The following MAP4 variants were observed in gnomAD, a reference collection of about 807,000 sequenced individuals.
MAP4 encodes the protein microtubule associated protein 4, also known as microtubule-associated protein 4.
MAP4 carries 76 observed loss-of-function variants against 170.2 expected under a neutral mutation model. That is an observed-to-expected ratio of 0.45 (90% CI 0.37 to 0.54). The LOEUF is 0.54. Among genes scored for constraint, MAP4 ranks in the 20% least tolerant of loss-of-function variants. The pLI is 0.00. For synonymous variants in MAP4, 909 were observed against 994.5 expected, an observed-to-expected ratio of 0.91 and a Z score of 1.62; for missense variants, 2,506 against 2,748.0, an observed-to-expected ratio of 0.91 and a Z score of 1.97.
intron 1 of MAP4, among the ~76,000 whole-genome samples, chr3:48,056,487 TG>T (rs755089734): frequency 0.26 from 3,344 of 12,846 alleles, 584 homozygotes; most frequent in Admixed American, 0.31. Context: ...GGGAGGGAGG[TG>T]GGGGGGGTCA....
At chr3:47,892,606 ATC>A in intron 10 of MAP4, 1 of 1,423,872 alleles carries the variant, frequency 7.0e-7, no homozygotes, top group Non-Finnish European at 9.1e-7. Context: ...GACAAAATTC[ATC>A]TCTCCCTCAA....
chr3:47,947,816 A>G (rs1011634792), intron 3 of MAP4, among the ~76,000 whole-genome samples: 5 of 151,652 alleles, frequency 3.3e-5, no homozygotes, highest in Non-Finnish European at 7.4e-5. Context: ...AAAAAAAAAA[A>G]AAAGAAAAGA....
chr3:47,917,459 G>A (rs1349707333), intron 6 of MAP4, among the ~76,000 whole-genome samples: 1 of 151,882 alleles, frequency 6.6e-6, no homozygotes, highest in Non-Finnish European at 1.5e-5. Flanking sequence ...AGTGGCAGGC[G>A]CCTGTAATCC....
chr3:47,918,529 G>A (rs985437981), intron 6 of MAP4, among the ~76,000 whole-genome samples, 190 bp downstream of exon 6: 12 of 152,092 alleles, frequency 7.9e-5, no homozygotes, highest in African/African-American at 1.9e-4. Context: ...TTATGTGCCC[G>A]TTAACCCTAA....
intron 17 of MAP4, among the ~76,000 whole-genome samples, chr3:47,865,709 A>G (rs1418334160): frequency 6.6e-6 from 1 of 152,228 alleles, no homozygotes; most frequent in African/African-American, 2.4e-5. Flanking sequence ...AAAGAACCGA[A>G]TGAACTCAAA....
At chr3:47,933,482 A>C (rs977209695) in intron 3 of MAP4, among the ~76,000 whole-genome samples, 1 of 151,972 alleles carries the variant, frequency 6.6e-6, no homozygotes, top group Non-Finnish European at 1.5e-5. Context: ...CTGTCACCCA[A>C]GCTGGAGTGC....
intron 1 of MAP4, among the ~76,000 whole-genome samples, chr3:48,059,726 C>A (rs1341501144): frequency 1.3e-5 from 2 of 152,020 alleles, no homozygotes; most frequent in East Asian, 3.9e-4. Context: ...CGCCTGTAAT[C>A]CTAGCACTTT....
At chr3:47,975,978 TG>T (rs2100081912) in intron 3 of MAP4, among the ~76,000 whole-genome samples, 1 of 152,214 alleles carries the variant, frequency 6.6e-6, no homozygotes, top group African/African-American at 2.4e-5. Flanking sequence ...TTAGCAGAGA[TG>T]GGGTTTCACC....
intron 9 of MAP4, among the ~76,000 whole-genome samples, chr3:47,907,634 C>T (rs976881296): frequency 1.3e-5 from 2 of 152,312 alleles, no homozygotes; most frequent in South Asian, 2.1e-4. Context: ...AAAACAAATC[C>T]TCTTTCTGCA....
At chr3:47,980,916 T>C (rs1393822794) in intron 2 of MAP4, among the ~76,000 whole-genome samples, 2 of 152,330 alleles carry the variant, frequency 1.3e-5, no homozygotes, top group East Asian at 1.9e-4. Flanking sequence ...AGAGCAGCTA[T>C]TACAGTGATA....
At chr3:48,056,983 TG>T (rs1314817069) in intron 1 of MAP4, among the ~76,000 whole-genome samples, 26 of 65,568 alleles carry the variant, frequency 4.0e-4, no homozygotes, top group East Asian at 2.9e-3. Flanking sequence ...GGGAGGGAGG[TG>T]GGGGGGGTCA....
intron 3 of MAP4, 133 bp from the exon 4 acceptor site, chr3:47,928,483 T>A (rs762036333): frequency 2.1e-4 from 180 of 856,214 alleles, no homozygotes; most frequent in Non-Finnish European, 3.0e-4. Context: ...ACAAGAAAAC[T>A]TTTTTCTTTT....
chr3:48,060,891 C>G (rs958444648), intron 1 of MAP4, among the ~76,000 whole-genome samples: 2 of 152,150 alleles, frequency 1.3e-5, no homozygotes, highest in Non-Finnish European at 2.9e-5. Context: ...GTCGCCCAGG[C>G]TGGAGGACAG....
intron 2 of MAP4, among the ~76,000 whole-genome samples, chr3:47,986,791 A>G (rs1486605376): frequency 1.3e-5 from 2 of 152,206 alleles, no homozygotes; most frequent in South Asian, 2.1e-4. Flanking sequence ...AAAATGTCAC[A>G]CTAATTTTTT....
At chr3:47,979,252 T>TAATCACCTAATAATTAGGTA (rs2100084029) in intron 2 of MAP4, among the ~76,000 whole-genome samples, 1 of 129,024 alleles carries the variant, frequency 7.8e-6, no homozygotes. Flanking sequence ...GGTAGTTACC[T>TAATCACCTAATAATTAGGTA]AATCACCTAA....
intron 1 of MAP4, among the ~76,000 whole-genome samples, chr3:48,065,528 C>G (rs1326041679): frequency 2.0e-5 from 3 of 152,214 alleles, no homozygotes; most frequent in African/African-American, 7.2e-5. Context: ...AGACACCCCA[C>G]CATATACCTC....
intron 4 of MAP4, among the ~76,000 whole-genome samples, chr3:47,924,203 G>T (rs1577691562): frequency 6.6e-6 from 1 of 152,160 alleles, no homozygotes; most frequent in East Asian, 1.9e-4. Context: ...ATATATTTTG[G>T]TTCAAGTCAA....
intron 17 of MAP4, among the ~76,000 whole-genome samples, chr3:47,866,051 G>A (rs2079024116): frequency 6.6e-6 from 1 of 152,120 alleles, no homozygotes; most frequent in African/African-American, 2.4e-5. Context: ...AAGATAAGGA[G>A]GGAAAGTCTG....
At chr3:48,009,698 T>C (rs1400785341) in intron 1 of MAP4, among the ~76,000 whole-genome samples, 2 of 152,086 alleles carry the variant, frequency 1.3e-5, no homozygotes, top group African/African-American at 4.8e-5. Flanking sequence ...GTTTCTCCCA[T>C]AGCCAGGATT....
Sources: gnomAD v4.1 joint callset for allele counts (sites outside exome capture counted in the v4.1 genomes callset) on GRCh38, gnomAD v4.1.1 for gene constraint, MANE v1.5 for transcripts, NCBI Gene and HGNC (gene_info 2026-07-23, HGNC 2026-07-21) for gene names.